CDYL: variants seen among roughly 807,000 people sequenced by gnomAD.
CDYL encodes chromodomain Y-like protein.
A neutral mutation model predicts 47.3 loss-of-function variants in CDYL; 8 were observed. The observed-to-expected ratio is 0.17, with a 90% CI of 0.10 to 0.31. The LOEUF is 0.31. Among genes scored for constraint, CDYL ranks in the 10% least tolerant of loss-of-function variants. CDYL has a pLI of 1.00. For missense variants in CDYL, 471 were observed against 701.4 expected, an observed-to-expected ratio of 0.67 and a Z score of 3.71; for synonymous variants, 266 against 265.0, an observed-to-expected ratio of 1.00 and a Z score of -0.04.
chr6:4,948,084 C>T (rs951568401), intron 5 of CDYL, among the ~76,000 whole-genome samples: 1 of 152,178 alleles, frequency 6.6e-6, no homozygotes, highest in Non-Finnish European at 1.5e-5. Flanking sequence ...TTACTGTAAA[C>T]GAGACTGTGT....
At chr6:4,745,635 G>A (rs79861487) in intron 3 of CDYL, among the ~76,000 whole-genome samples, 4,769 of 152,262 alleles carry the variant, frequency 0.031, 97 homozygotes, top group African/African-American at 0.055. Context: ...ACTCTGGTCA[G>A]GTAAAACACT....
At chr6:4,855,628 T>C (rs1248289039) in intron 1 of CDYL, among the ~76,000 whole-genome samples, 1 of 152,212 alleles carries the variant, frequency 6.6e-6, no homozygotes, top group Non-Finnish European at 1.5e-5. Context: ...GAAAGTTATT[T>C]GTGGATCTTT....
chr6:4,903,092 T>C (rs562069926), intron 2 of CDYL, among the ~76,000 whole-genome samples: 143 of 152,308 alleles, frequency 9.4e-4, no homozygotes, highest in African/African-American at 3.2e-3. Context: ...TTAGTGTTTG[T>C]CTTTTAAAAA....
intron 1 of CDYL, among the ~76,000 whole-genome samples, chr6:4,706,507 A>G (rs191704594): frequency 4.2e-4 from 64 of 152,232 alleles, no homozygotes; most frequent in African/African-American, 5.1e-4. Flanking sequence ...TAAAACTACA[A>G]TTAGGCCGGG....
intron 2 of CDYL, among the ~76,000 whole-genome samples, chr6:4,928,264 G>C (rs1433765437): frequency 6.6e-6 from 1 of 151,822 alleles, no homozygotes; most frequent in Non-Finnish European, 1.5e-5. Context: ...GTGTGTGTAT[G>C]TGTGTGTGTG....
chr6:4,897,728 G>A (rs1191162943), intron 2 of CDYL, among the ~76,000 whole-genome samples: 3 of 148,606 alleles, frequency 2.0e-5, no homozygotes, highest in Non-Finnish European at 4.4e-5. Flanking sequence ...ACCAGCCTGG[G>A]CAACATAGTA....
At chr6:4,927,454 T>C (rs910192420) in intron 2 of CDYL, among the ~76,000 whole-genome samples, 3 of 151,898 alleles carry the variant, frequency 2.0e-5, no homozygotes, top group Non-Finnish European at 2.9e-5. Context: ...TGTGTGTGTG[T>C]GTGTGTCTTT....
At position 4,943,599 on chromosome 6, in the gene CDYL, A is replaced by G; in HGVS notation, c.1175A>G (p.Asn392Ser). 8 of 1,613,494 alleles carry G rather than the reference A, an allele frequency of 5.0e-6. No individual in the cohort carries two copies. Among genetic ancestry groups the G allele is most frequent in the Non-Finnish European group, 6.8e-6 (8 of 1,179,550 alleles). The change falls in exon 5 of 7, where the codon AAT becomes AGT. Residue 392 changes from asparagine (N) to serine (S), a missense_variant. By Grantham distance (46) the Asn-to-Ser change is conservative. Transcript: ENST00000397588. ...AAGAAGCCCATTATTGTAGCAGTCAATGGCCCAGCCATTGGTCTAGGAGCA... is the reference window on the plus strand; with the variant it reads ...AAGAAGCCCATTATTGTAGCAGTCAGTGGCCCAGCCATTGGTCTAGGAGCA... ...QFKKPIIVAV[N>S]GPAIGLGASI...
intron 2 of CDYL, among the ~76,000 whole-genome samples, chr6:4,729,741 A>T (rs746674717): frequency 7.9e-5 from 12 of 152,288 alleles, no homozygotes; most frequent in Non-Finnish European, 1.8e-4. Context: ...AACAGGGTGA[A>T]ATCCTGTCTC....
intron 1 of CDYL, among the ~76,000 whole-genome samples, chr6:4,802,272 A>G (rs1332112699): frequency 6.6e-6 from 1 of 152,156 alleles, no homozygotes; most frequent in African/African-American, 2.4e-5. Context: ...GCATGGTGGT[A>G]CACACCTGTA....
At chr6:4,884,235 G>A (rs939464851) in intron 1 of CDYL, among the ~76,000 whole-genome samples, 1 of 152,206 alleles carries the variant, frequency 6.6e-6, no homozygotes, top group Non-Finnish European at 1.5e-5. Context: ...AGAAGCTTCA[G>A]GAGAAAGCCA....
At chr6:4,775,382 AG>A (rs1157123898), upstream of CDYL, 1 of 151,344 alleles carries the variant, frequency 6.6e-6, no homozygotes, top group African/African-American at 2.4e-5. This position sits in a 1 kb window ranked among gnomAD's most constrained non-coding sequence, Gnocchi z 7.0. Context: ...CCCTGGCAGT[AG>A]ATCTTCCCTG....
chr6:4,761,794 AT>A (rs1758179236), intron 3 of CDYL, among the ~76,000 whole-genome samples: 1 of 152,246 alleles, frequency 6.6e-6, no homozygotes, highest in South Asian at 2.1e-4. Context: ...GATGGAAATA[AT>A]ATCTGTTTTA....
intron 3 of CDYL, among the ~76,000 whole-genome samples, chr6:4,759,707 C>T (rs115049042): frequency 0.022 from 3,347 of 150,780 alleles, 48 homozygotes; most frequent in Non-Finnish European, 0.026. Flanking sequence ...GGTGAATCCT[C>T]GTCTCTACTT....
chr6:4,860,423 G>T (rs1454694646), intron 1 of CDYL, among the ~76,000 whole-genome samples: 2 of 151,280 alleles, frequency 1.3e-5, no homozygotes, highest in Admixed American at 6.6e-5. Context: ...TAGCATATGG[G>T]AAGTGAGTCT....
In CDYL at chr6:4,904,880, C is replaced by T. The variant is rs571511961; in HGVS notation, c.691+12501C>T. Among the ~76,000 whole-genome samples, 14 of 152,270 alleles carry T rather than the reference C, an allele frequency of 9.2e-5. No homozygotes were observed. The East Asian group carries it at 2.7e-3, about 29-fold the overall frequency. ...CTGTGCACTGTGTCCCCCTCATCCC[C>T]ACCCCGACCTCCAGCTGAGAAATAA... On this transcript the variant is annotated intron_variant, in intron 2 of 6. Transcript: ENST00000397588.
Position 4,891,895 on chromosome 6 carries a change from C to T in CDYL, c.207C>T (p.Thr69=). Reference sequence around the variant, plus strand: ...AGAAGCAGAAGGAGAGCACATTGACCAGAACAAACAGGACCTCTCCCAACA... The same window carrying T: ...AGAAGCAGAAGGAGAGCACATTGACTAGAACAAACAGGACCTCTCCCAACA... The part of the protein sequence containing the change: ...HTEKQKESTL[T]RTNRTSPNNA... Residue 69 remains threonine, a synonymous_variant, in exon 2 of 7, where the codon ACC becomes ACT. Transcript: ENST00000397588. 3 of 1,614,086 alleles carry T rather than the reference C, an allele frequency of 1.9e-6. No homozygotes were observed. Among genetic ancestry groups the T allele is most frequent in the Non-Finnish European group, 2.5e-6 (3 of 1,180,014 alleles).
chr6:4,890,404 CTG>C (rs1316486288), intron 1 of CDYL, among the ~76,000 whole-genome samples: 1 of 152,176 alleles, frequency 6.6e-6, no homozygotes, highest in East Asian at 1.9e-4. Context: ...AATTCTGACT[CTG>C]TGGAGATCTG....
rs771229295 is a variant in CDYL, at chr6:4,730,705, A to T, written c.104-4057A>T. 2.7e-5 allele frequency among the ~76,000 whole-genome samples: 4 copies of T among 146,208 alleles called. No homozygotes were observed. The South Asian group carries it at 6.5e-4, about 24-fold the overall frequency. On this transcript the variant is annotated intron_variant, in intron 2 of 8. Coordinates refer to the CDYL transcript ENST00000328908. ...AAAAAAAAAAAAAAAAAAAAAGAAC[A>T]TACCTCTTTCAGCATCCCCTTGCAG...
Sources: gnomAD v4.1 joint callset for allele counts (sites outside exome capture counted in the v4.1 genomes callset) on GRCh38, gnomAD v4.1.1 for gene constraint, Gnocchi (gnomAD v3.1) non-coding constraint, MANE v1.5 for transcripts, NCBI Gene and HGNC (gene_info 2026-07-23, HGNC 2026-07-21) for gene names.